Variants in VEGFC observed in about 807,000 individuals in gnomAD.
The protein encoded by VEGFC is FLT4 ligand DHM.
VEGFC carries 12 observed loss-of-function variants against 46.1 expected under a neutral mutation model. The observed-to-expected ratio is 0.26, with a 90% CI of 0.17 to 0.42. The LOEUF (loss-of-function observed/expected upper bound fraction) is 0.42. Ranked by LOEUF, VEGFC falls within the 10% of genes least tolerant of loss-of-function variation. The probability of loss-of-function intolerance (pLI) is 1.00; values close to 1 mark genes in which losing one functional copy is unlikely to be tolerated. For synonymous variants in VEGFC, 232 were observed against 195.5 expected, an observed-to-expected ratio of 1.19 and a Z score of -1.56; for missense variants, 488 against 529.4, an observed-to-expected ratio of 0.92 and a Z score of 0.77.
At chr4:176,698,978 A>G (rs566620717) in intron 4 of VEGFC, among the ~76,000 whole-genome samples, 1 of 152,334 alleles carries the variant, frequency 6.6e-6, no homozygotes, top group Admixed American at 6.5e-5. Flanking sequence ...CTCTCTTAAA[A>G]TACTTCACAG....
intron 1 of VEGFC, among the ~76,000 whole-genome samples, chr4:176,774,529 A>G (rs1032112144): frequency 1.3e-5 from 2 of 152,190 alleles, no homozygotes; most frequent in South Asian, 2.1e-4. Flanking sequence ...CTATCTTTGC[A>G]TATGTAAAAT....
At chr4:176,791,670 C>CCA (rs1474081587) in intron 1 of VEGFC, among the ~76,000 whole-genome samples, 1 of 152,142 alleles carries the variant, frequency 6.6e-6, no homozygotes, top group East Asian at 1.9e-4. Flanking sequence ...TTACTAAAGT[C>CCA]CCTGACACTT....
chr4:176,771,737 C>T (rs1479956973), intron 1 of VEGFC, among the ~76,000 whole-genome samples: 1 of 152,194 alleles, frequency 6.6e-6, no homozygotes, highest in Non-Finnish European at 1.5e-5. Context: ...GTGAGGACAA[C>T]ACACTGCATC....
At chr4:176,789,255 C>G (rs1579146106) in intron 1 of VEGFC, among the ~76,000 whole-genome samples, 2 of 152,208 alleles carry the variant, frequency 1.3e-5, no homozygotes, top group South Asian at 4.1e-4. Context: ...TACCCTCCGT[C>G]TTTCTCAACT....
intron 4 of VEGFC, among the ~76,000 whole-genome samples, chr4:176,692,123 G>C (rs1210043295): frequency 6.6e-6 from 1 of 151,986 alleles, no homozygotes; most frequent in Admixed American, 6.5e-5. Flanking sequence ...GGCCCGGCGC[G>C]GTGGCTCACG....
At chr4:176,738,825 G>A (rs980227650) in intron 1 of VEGFC, among the ~76,000 whole-genome samples, 1 of 151,856 alleles carries the variant, frequency 6.6e-6, no homozygotes, top group South Asian at 2.1e-4. Context: ...CTAATATCCA[G>A]AGTCTACAAG....
chr4:176,740,497 T>TAA (rs1735153112), intron 1 of VEGFC, among the ~76,000 whole-genome samples: 1 of 70,890 alleles, frequency 1.4e-5, no homozygotes, highest in Non-Finnish European at 4.0e-5. Context: ...AGAGTATATA[T>TAA]AACTATATAT....
At chr4:176,684,431 C>T (rs996512136) in intron 6 of VEGFC, among the ~76,000 whole-genome samples, 3 of 152,156 alleles carry the variant, frequency 2.0e-5, no homozygotes, top group Admixed American at 6.5e-5. Flanking sequence ...TTGTATGGGA[C>T]CCAGACTTCC....
intron 1 of VEGFC, among the ~76,000 whole-genome samples, chr4:176,768,251 G>T (rs1735663025): frequency 6.6e-6 from 1 of 151,962 alleles, no homozygotes; most frequent in South Asian, 2.1e-4. Flanking sequence ...ATACAGATAT[G>T]AAGATATCTA....
chr4:176,719,782 C>A (rs539062538), intron 3 of VEGFC, among the ~76,000 whole-genome samples: 1 of 152,092 alleles, frequency 6.6e-6, no homozygotes, highest in Non-Finnish European at 1.5e-5. Context: ...AACTATCTGC[C>A]GGGTGCGGTG....
chr4:176,732,022 T>A (rs1242529363), intron 1 of VEGFC, among the ~76,000 whole-genome samples: 1 of 151,976 alleles, frequency 6.6e-6, no homozygotes, highest in Non-Finnish European at 1.5e-5. Flanking sequence ...TTTATACTCT[T>A]AGGCTGAAAA....
At chr4:176,730,256 A>C (rs532709089) in intron 1 of VEGFC, among the ~76,000 whole-genome samples, 6 of 152,164 alleles carry the variant, frequency 3.9e-5, no homozygotes, top group Admixed American at 3.3e-4. Context: ...CAACATTGTC[A>C]CAGTAAGATT....
rs748640295 is a variant in VEGFC at position 176,711,593 on chromosome 4, C to G, written c.610G>C (p.Ala204Pro). The G allele has an allele frequency of 6.2e-7, 1 of 1,613,580 alleles. No individual in the cohort carries two copies. The highest frequency in any genetic ancestry group is 8.5e-7 in the Non-Finnish European group (1 of 1,179,726). Reference protein sequence around the residue: ...QGPKPVTISFANHTSCRCMSK... With the variant: ...QGPKPVTISFPNHTSCRCMSK... ...ATGCATCGGCAGGAAGTGTGATTGG[C>G]AAAACTGATTGTTACTGGTTTGGGG... Residue 204 changes from alanine (A) to proline (P), a missense_variant, in exon 4 of 7, where the codon GCC becomes CCC. Coordinates refer to ENST00000618562, the MANE Select transcript of VEGFC (RefSeq NM_005429.5).
chr4:176,771,928 A>G (rs1337118027), intron 1 of VEGFC, among the ~76,000 whole-genome samples: 1 of 152,212 alleles, frequency 6.6e-6, no homozygotes, highest in Non-Finnish European at 1.5e-5. Flanking sequence ...CCCAATTTTC[A>G]TATGACACTT....
intron 1 of VEGFC, 66 bp from the exon 2 acceptor site, chr4:176,729,812 A>T: frequency 7.5e-7 from 1 of 1,340,092 alleles, no homozygotes; most frequent in Non-Finnish European, 1.0e-6. Flanking sequence ...AATGCACTAT[A>T]AAACGGTTAG....
At chr4:176,768,491 C>CATACATATATATAT (rs1553996841) in intron 1 of VEGFC, among the ~76,000 whole-genome samples, 3 of 100,536 alleles carry the variant, frequency 3.0e-5, no homozygotes, top group African/African-American at 9.3e-5. Flanking sequence ...ATGTTTTATA[C>CATACATATATATAT]ATATATATAT....
At chr4:176,688,016 C>T (rs1560932774) in intron 4 of VEGFC, 89 bp from the exon 5 acceptor site, 2 of 626,514 alleles carry the variant, frequency 3.2e-6, no homozygotes, top group Non-Finnish European at 5.5e-6. Flanking sequence ...AAATAATGCT[C>T]ATAGAAAAGC....
At position 176,687,925 on chromosome 4, in the gene VEGFC, C is replaced by A; in HGVS notation, c.707G>T (p.Cys236Phe). 1 of 1,606,138 alleles carries A rather than the reference C, an allele frequency of 6.2e-7. No homozygotes were observed. The highest frequency in any genetic ancestry group is 1.7e-5 in the Admixed American group (1 of 59,342). The change falls in exon 5 of 7, where the codon TGT becomes TTT. Residue 236 changes from cysteine to phenylalanine, a missense_variant and splice_region_variant. By Grantham distance (205) the Cys-to-Phe change is radical. Coordinates refer to ENST00000618562, the MANE Select transcript of VEGFC (RefSeq NM_005429.5). ...GGGGCAGGTCTTGTTCGCTGCCTGA[C>A]ACCTTTGGAAGAAACAGACGAGGTT... ...RRSLPATLPQ[C>F]QAANKTCPTN... is the part of the protein sequence containing the mutation.
intron 1 of VEGFC, among the ~76,000 whole-genome samples, chr4:176,761,919 C>T (rs996386626): frequency 2.6e-5 from 4 of 152,188 alleles, no homozygotes; most frequent in Non-Finnish European, 5.9e-5. Context: ...TGGCCCAAGA[C>T]AGAGAAAGGT....
Sources: gnomAD v4.1 joint callset for allele counts (sites outside exome capture counted in the v4.1 genomes callset) on GRCh38, gnomAD v4.1.1 for gene constraint, MANE v1.5 for transcripts, NCBI Gene and HGNC (gene_info 2026-07-23, HGNC 2026-07-21) for gene names.